The following IDE variants were observed in gnomAD, a reference collection of about 807,000 sequenced individuals.
IDE encodes insulin-degrading enzyme.
A neutral mutation model predicts 133.2 loss-of-function variants in IDE; 58 were observed. The observed-to-expected ratio is 0.44, with a 90% confidence interval of 0.35 to 0.54. The LOEUF (loss-of-function observed/expected upper bound fraction) is 0.54, where lower values mean the gene tolerates loss of function less well. IDE is among the 20% of genes least tolerant of loss of function. The pLI, the probability that IDE is intolerant of heterozygous loss-of-function variation, is 0.00. For synonymous variants in IDE, 396 were observed against 421.3 expected (o/e 0.94, Z 0.73); for missense variants, 981 against 1,234.0 (o/e 0.79, Z 3.07).
At chr10:92,493,819 C>T (rs539128300) in intron 11 of IDE, among the ~76,000 whole-genome samples, 1 of 152,032 alleles carries the variant, frequency 6.6e-6, no homozygotes, top group East Asian at 1.9e-4. Context: ...TTGAAATATA[C>T]AATGAAAGGG....
rs1564648478 is a variant in IDE at position 92,524,513 on chromosome 10, T to TAA, written c.661+7233_661+7234dup. Among the ~76,000 whole-genome samples the TAA allele has an allele frequency of 3.4e-3, 268 of 78,860 alleles. 32 individuals are homozygous for TAA. The highest frequency in any genetic ancestry group is 0.012 in the African/African-American group (241 of 19,520). The allele number at this position is 78,860 out of a possible 152,430, so 51.7% of individuals were successfully genotyped here. ...ATTATAATATATTTTATATAATATA[T>TAA]AATATATATTATATTATAATATATT... On this transcript the variant is annotated intron_variant, in intron 4 of 24. Transcript: ENST00000265986.
chr10:92,524,420 T>C lies in IDE; in HGVS notation c.661+7328A>G, dbSNP rs1849449245. Among the ~76,000 whole-genome samples, 12 of 91,448 alleles carry C rather than the reference T, an allele frequency of 1.3e-4. 1 individual carries two copies. In the South Asian group the frequency reaches 2.8e-3, roughly 22 times the overall value. 60.0% of individuals were successfully genotyped at this position (91,448 alleles called of 152,430 possible). The stretch of plus-strand genomic sequence containing the variant: ...ATAATATATAATATATATTATATTA[T>C]ATATAATATATTTTATATAATATAT... On this transcript the variant is annotated intron_variant, in intron 4 of 24. Coordinates refer to ENST00000265986, the MANE Select transcript of IDE (RefSeq NM_004969.4).
intron 11 of IDE, among the ~76,000 whole-genome samples, chr10:92,492,584 T>C (rs1450592926): frequency 6.6e-6 from 1 of 152,178 alleles, no homozygotes; most frequent in African/African-American, 2.4e-5. Flanking sequence ...TTGGTTCCAC[T>C]TCTCCCTTAA....
intron 12 of IDE, among the ~76,000 whole-genome samples, chr10:92,488,075 G>A (rs1847109502): frequency 6.6e-6 from 1 of 151,892 alleles, no homozygotes; most frequent in African/African-American, 2.4e-5. Context: ...GATTACAGGT[G>A]TGAGCCACCA....
chr10:92,465,867 AGC>A (rs1177560965), intron 19 of IDE, 24 bp from the exon 20 acceptor site: 1 of 1,611,842 alleles, frequency 6.2e-7, no homozygotes, highest in Non-Finnish European at 8.5e-7. Context: ...AAAAGACAGC[AGC>A]AAGTTCAAAA....
chr10:92,555,940 G>A (rs950110534), intron 1 of IDE, among the ~76,000 whole-genome samples: 4 of 152,116 alleles, frequency 2.6e-5, no homozygotes, highest in South Asian at 2.1e-4. Context: ...TTGGGAGGCC[G>A]AGGCGGGTGG....
At chr10:92,529,509 C>A (rs1033745651) in intron 4 of IDE, among the ~76,000 whole-genome samples, 2 of 152,196 alleles carry the variant, frequency 1.3e-5, no homozygotes, top group Non-Finnish European at 2.9e-5. Context: ...CCTGAAACTT[C>A]ACCCATATGG....
intron 19 of IDE, among the ~76,000 whole-genome samples, chr10:92,467,422 A>G (rs565016310): frequency 1.3e-5 from 2 of 152,296 alleles, no homozygotes; most frequent in African/African-American, 4.8e-5. Context: ...GAGTTAAGTG[A>G]AGAACTATTT....
chr10:92,523,986 C>T (rs1849371379), intron 4 of IDE, among the ~76,000 whole-genome samples: 1 of 151,826 alleles, frequency 6.6e-6, no homozygotes. Flanking sequence ...CATTCAACTG[C>T]TCCTACTTTA....
In IDE at chr10:92,454,247, T is replaced by C; in HGVS notation, c.*197A>G. The C allele has an allele frequency of 2.2e-6, 1 of 448,572 alleles. No homozygotes were observed. Among genetic ancestry groups the C allele is most frequent in the Non-Finnish European group, 4.0e-6 (1 of 251,020 alleles). 27.8% of individuals were successfully genotyped at this position (448,572 alleles called of 1,614,324 possible). A position where few individuals can be genotyped will look rare whatever the true frequency, so the allele number is the denominator to read the frequency against. Reference sequence around the variant, plus strand: ...TTTAAAATATTTAAGAGGCATGTATTTAAAAAATATTCTACATCTATAAGA... The same window carrying C: ...TTTAAAATATTTAAGAGGCATGTATCTAAAAAATATTCTACATCTATAAGA... On this transcript the variant is annotated 3_prime_UTR_variant, in exon 25 of 25. Coordinates refer to ENST00000265986, the MANE Select transcript of IDE (RefSeq NM_004969.4).
chr10:92,479,484 T>C, intron 14 of IDE, 63 bp from the exon 15 acceptor site: 2 of 1,250,532 alleles, frequency 1.6e-6, no homozygotes, highest in South Asian at 1.3e-5. Context: ...ATATGGCCTT[T>C]TGAGATGGAT....
chr10:92,541,643 C>T (rs1463613990), intron 1 of IDE, among the ~76,000 whole-genome samples: 4 of 152,180 alleles, frequency 2.6e-5, no homozygotes, highest in Non-Finnish European at 2.9e-5. Flanking sequence ...GTCTTTTCAG[C>T]ACTCTGATAA....
In IDE at chr10:92,487,277, AG is replaced by A; in HGVS notation, c.1574del (p.Pro525LeufsTer16). The A allele has an allele frequency of 6.2e-7, 1 of 1,612,404 alleles. No homozygotes were observed. The highest frequency in any genetic ancestry group is 8.5e-7 in the Non-Finnish European group (1 of 1,179,154). ...NADLNGKFKL[P>X]TKNEFIPTNF... The stretch of plus-strand genomic sequence containing the variant: ...TCGTAGGAATAAATTCATTCTTTGT[AG>A]GAAGTTTAAATTTCCCATTCAGGTC... On this transcript the variant is annotated frameshift_variant, in exon 13 of 25. Coordinates refer to ENST00000265986, the MANE Select transcript of IDE (RefSeq NM_004969.4). LOFTEE classifies it high-confidence loss of function.
At chr10:92,490,640 T>C (rs914039263) in intron 11 of IDE, 45 bp from the exon 12 acceptor site, 6 of 1,113,850 alleles carry the variant, frequency 5.4e-6, no homozygotes, top group Middle Eastern at 2.1e-4. Flanking sequence ...AAACTCATAC[T>C]GTATATATGA....
At position 92,461,240 on chromosome 10, in the gene IDE, A is replaced by G; in HGVS notation, c.2774T>C (p.Val925Ala). Residue 925 changes from valine to alanine, a missense_variant, in exon 22 of 25, where the codon GTT becomes GCT. Physicochemically the swap from Val to Ala is moderately conservative, Grantham distance 64. Around this residue, in one of 2 missense-constraint regions of IDE, gnomAD observed 660 missense variants for 894.7 expected, o/e 0.74. Transcript: ENST00000265986. ...CTTGGTAAGTGTCTTTAAATATGCA[A>G]CCTCAGTGTTATCTGAAAAAGTAAT... is the stretch of plus-strand genomic sequence containing the variant. ...QYNFDRDNTE[V>A]AYLKTLTKED... 1 of 1,454,258 alleles carries G rather than the reference A, an allele frequency of 6.9e-7. No individual in the cohort carries two copies. The highest frequency in any genetic ancestry group is 9.7e-7 in the Non-Finnish European group (1 of 1,035,462). The allele number at this position is 1,454,258 out of a possible 1,614,324, so 90.1% of individuals were successfully genotyped here. A position where few individuals can be genotyped will look rare whatever the true frequency, so the allele number is the denominator to read the frequency against.
Position 92,504,784 on chromosome 10 carries a change from G to A in IDE, c.1430+10C>T. ...TAGTGTATAATAGTAAAATCTGTAT[G>A]GTGACTCACCGGACATTTTCTGGTC... On this transcript the variant is annotated intron_variant, in intron 11 of 24. Coordinates refer to ENST00000265986, the MANE Select transcript of IDE (RefSeq NM_004969.4). The A allele has an allele frequency of 7.1e-7, 1 of 1,410,582 alleles. No homozygotes were observed. The highest frequency in any genetic ancestry group is 1.0e-6 in the Non-Finnish European group (1 of 999,530). The allele number at this position is 1,410,582 out of a possible 1,614,324, so 87.4% of individuals were successfully genotyped here.
chr10:92,471,353 C>T lies in IDE; in HGVS notation c.2117-1008G>A, dbSNP rs543475647. Among the ~76,000 whole-genome samples the T allele has an allele frequency of 2.0e-5, 3 of 152,260 alleles. No individual in the cohort carries two copies. In the East Asian group the frequency reaches 5.8e-4, roughly 29 times the overall value. On this transcript the variant is annotated intron_variant, in intron 17 of 24. Coordinates refer to ENST00000265986, the MANE Select transcript of IDE (RefSeq NM_004969.4). The stretch of plus-strand genomic sequence containing the variant: ...GGGAATGCAAATAACAAGTGCTTAC[C>T]ACAGATCAGGAATTTTACAGATGTT...
chr10:92,563,678 G>A (rs1843387306), intron 1 of IDE, among the ~76,000 whole-genome samples: 1 of 151,648 alleles, frequency 6.6e-6, no homozygotes, highest in Non-Finnish European at 1.5e-5. Flanking sequence ...TCAACCTGGG[G>A]CAGGGGGCAG....
chr10:92,495,636 C>T (rs1317282496), intron 11 of IDE, among the ~76,000 whole-genome samples: 2 of 152,086 alleles, frequency 1.3e-5, no homozygotes, highest in Non-Finnish European at 2.9e-5. Flanking sequence ...CAGGCGTGAG[C>T]CACCACACCC....
Sources: gnomAD v4.1 joint callset for allele counts (sites outside exome capture counted in the v4.1 genomes callset) on GRCh38, gnomAD v4.1.1 for gene constraint, gnomAD v4.1.1 regional missense constraint, MANE v1.5 for transcripts, NCBI Gene and HGNC (gene_info 2026-07-23, HGNC 2026-07-21) for gene names.